The following PIK3C2G variants were observed in gnomAD, a reference collection of about 807,000 sequenced individuals.
PIK3C2G encodes phosphatidylinositol-4-phosphate 3-kinase catalytic subunit type 2 gamma.
A neutral mutation model predicts 181.1 loss-of-function variants in PIK3C2G; 168 were observed. The ratio of observed to expected loss-of-function variants is 0.93; its 90% confidence interval spans 0.82 to 1.05. PIK3C2G has a LOEUF of 1.05. Among genes scored for constraint, PIK3C2G ranks in the 50% least tolerant of loss-of-function variants. The pLI, the probability that PIK3C2G is intolerant of heterozygous loss-of-function variation, is 0.00. For synonymous variants in PIK3C2G, 573 were observed against 592.2 expected, an observed-to-expected ratio of 0.97 and a Z score of 0.47; for missense variants, 1,869 against 1,732.8, an observed-to-expected ratio of 1.08 and a Z score of -1.40.
At chr12:18,711,812 A>C in the PIK3C2G span, among the ~76,000 whole-genome samples, 1 of 152,028 alleles carries the variant, frequency 6.6e-6, no homozygotes, top group South Asian at 2.1e-4. Context: ...GTGTGAGTTC[A>C]AGAAAGAGAC....
intron 9 of PIK3C2G, among the ~76,000 whole-genome samples, chr12:18,338,922 GTTAA>G (rs1938844698): frequency 6.6e-6 from 1 of 152,050 alleles, no homozygotes; most frequent in Non-Finnish European, 1.5e-5. Flanking sequence ...TGTATAGATT[GTTAA>G]TGGTTCTCAT....
chr12:18,444,162 A>G lies in PIK3C2G; in HGVS notation c.2504+20123A>G, dbSNP rs1946894796. ...ACACCCATTCTCCTCCAAACACACTATAAGCCATCTTCCCTCTATAATGTT... is the reference window on the plus strand; with the variant it reads ...ACACCCATTCTCCTCCAAACACACTGTAAGCCATCTTCCCTCTATAATGTT... On this transcript the variant is annotated intron_variant, in intron 18 of 32. Transcript: ENST00000538779. Among the ~76,000 whole-genome samples the G allele has an allele frequency of 2.0e-5, 3 of 152,174 alleles. No individual in the cohort carries two copies. In the South Asian group the frequency reaches 6.2e-4, roughly 32 times the overall value.
At chr12:18,723,564 G>A in the PIK3C2G span, 1 of 1,563,804 alleles carries the variant, frequency 6.4e-7, no homozygotes, top group Non-Finnish European at 8.8e-7. Context: ...ATGACTGGTG[G>A]GCTCACATTG....
At chr12:18,592,998 TG>T (rs1947165734) in intron 29 of PIK3C2G, among the ~76,000 whole-genome samples, 1 of 151,982 alleles carries the variant, frequency 6.6e-6, no homozygotes, top group African/African-American at 2.4e-5. Context: ...TCTGTAGGGT[TG>T]GTTCCTTCTG....
chr12:18,269,944 C>T (rs1243260069), intron 1 of PIK3C2G, among the ~76,000 whole-genome samples: 8 of 140,644 alleles, frequency 5.7e-5, no homozygotes, highest in Non-Finnish European at 1.2e-4. Context: ...GCATCTCTCT[C>T]CGTTACCCAG....
At chr12:18,393,716 A>G (rs1943686659) in intron 15 of PIK3C2G, among the ~76,000 whole-genome samples, 1 of 152,112 alleles carries the variant, frequency 6.6e-6, no homozygotes, top group Non-Finnish European at 1.5e-5. Flanking sequence ...GATACGAAGC[A>G]ACTGTTTTCA....
chr12:18,724,855 A>C, the PIK3C2G span, among the ~76,000 whole-genome samples: 1 of 152,146 alleles, frequency 6.6e-6, no homozygotes, highest in African/African-American at 2.4e-5. Flanking sequence ...TATGTAAATA[A>C]AAAATTATGG....
At chr12:18,534,049 A>T (rs558584996) in intron 24 of PIK3C2G, among the ~76,000 whole-genome samples, 1 of 149,234 alleles carries the variant, frequency 6.7e-6, no homozygotes, top group Non-Finnish European at 1.5e-5. Flanking sequence ...TCCAGGGTTC[A>T]AACAATTCTT....
intron 11 of PIK3C2G, chr12:18,358,806 A>G (rs910510275): frequency 3.5e-6 from 1 of 288,534 alleles, no homozygotes; most frequent in African/African-American, 2.2e-5. Context: ...TCATCTGTGT[A>G]GTCAAATATA....
the PIK3C2G span, among the ~76,000 whole-genome samples, chr12:18,703,738 C>T: frequency 1.3e-5 from 2 of 152,088 alleles, no homozygotes; most frequent in Non-Finnish European, 2.9e-5. Flanking sequence ...TTCACTTTTT[C>T]CCACACCAGG....
rs187656567 is a variant in PIK3C2G at position 18,365,919 on chromosome 12, G to A, written c.1748+3033G>A. 3.7e-4 allele frequency among the ~76,000 whole-genome samples: 56 copies of A among 152,194 alleles called. No individual in the cohort carries two copies. The East Asian group carries it at 7.9e-3, about 22-fold the overall frequency. ...AATCCTTAGCCTGAATCTCGTTTCAGACCCTATGTTCAGAAAATCTTAATG... is the reference window on the plus strand; with the variant it reads ...AATCCTTAGCCTGAATCTCGTTTCAAACCCTATGTTCAGAAAATCTTAATG... On this transcript the variant is annotated intron_variant, in intron 12 of 32. Transcript: ENST00000538779.
At chr12:18,585,116 T>C (rs1217257699) in intron 29 of PIK3C2G, among the ~76,000 whole-genome samples, 9 of 152,068 alleles carry the variant, frequency 5.9e-5, no homozygotes, top group African/African-American at 2.2e-4. Flanking sequence ...CCAGTGACAC[T>C]CTAAAGCAAA....
the PIK3C2G span, among the ~76,000 whole-genome samples, chr12:18,661,245 AC>A: frequency 2.6e-5 from 4 of 152,270 alleles, no homozygotes; most frequent in African/African-American, 9.6e-5. Context: ...AAGAAATAGT[AC>A]CCCAAATATT....
At chr12:18,423,144 A>AGTGT (rs1235759272) in intron 17 of PIK3C2G, among the ~76,000 whole-genome samples, 1 of 151,158 alleles carries the variant, frequency 6.6e-6, no homozygotes, top group African/African-American at 2.4e-5. Context: ...AGAGAGAGAG[A>AGTGT]GAGTGTGTGT....
the PIK3C2G span, chr12:18,684,274 T>C: frequency 1.2e-6 from 2 of 1,604,460 alleles, no homozygotes; most frequent in Non-Finnish European, 1.7e-6. Flanking sequence ...CATCTTGGAC[T>C]AAAAGCTGAA....
intron 2 of PIK3C2G, among the ~76,000 whole-genome samples, chr12:18,286,269 G>A (rs535895615): frequency 5.9e-5 from 9 of 152,078 alleles, no homozygotes; most frequent in Admixed American, 5.2e-4. Flanking sequence ...AATAAATGAA[G>A]CATGCATTCA....
chr12:18,693,309 A>G, the PIK3C2G span: 1 of 1,535,874 alleles, frequency 6.5e-7, no homozygotes, highest in East Asian at 2.3e-5. Flanking sequence ...GAAGGTGGAA[A>G]AGGCCCCCCA....
the PIK3C2G span, among the ~76,000 whole-genome samples, chr12:18,661,929 C>G: frequency 0.013 from 2,046 of 152,124 alleles, 54 homozygotes; most frequent in African/African-American, 0.048. Context: ...TGAAATACTA[C>G]ACATCCATAA....
At chr12:18,693,050 G>A in the PIK3C2G span, 6 of 1,474,042 alleles carry the variant, frequency 4.1e-6, no homozygotes, top group East Asian at 2.3e-5. Context: ...TAGAAGAAAA[G>A]CAAGAAGGGA....
Sources: allele counts gnomAD v4.1 joint callset (sites outside exome capture counted in the v4.1 genomes callset), GRCh38; gene constraint gnomAD v4.1.1; transcripts MANE v1.5; gene names NCBI Gene and HGNC (gene_info 2026-07-23, HGNC 2026-07-21).